Variants in CALCR observed in about 807,000 individuals in gnomAD.
CALCR encodes the protein calcitonin receptor.
Under a neutral mutation model 59.5 loss-of-function variants are expected in CALCR, and 47 were observed. The ratio of observed to expected loss-of-function variants is 0.79; its 90% confidence interval spans 0.63 to 1.01. CALCR has a LOEUF of 1.01. Among genes scored for constraint, CALCR ranks in the 50% least tolerant of loss-of-function variants. CALCR has a pLI of 0.00. For synonymous variants in CALCR, 213 were observed against 211.3 expected (o/e 1.01, Z -0.07); for missense variants, 566 against 597.1 (o/e 0.95, Z 0.54).
At chr7:93,495,485 TCTTTA>T (rs1044906991) in intron 2 of CALCR, among the ~76,000 whole-genome samples, 21 of 151,450 alleles carry the variant, frequency 1.4e-4, no homozygotes, top group African/African-American at 5.1e-4. Flanking sequence ...GAAGCATTGT[TCTTTA>T]CTTAAAGTGC....
chr7:93,515,466 A>G (rs943764438), intron 2 of CALCR, among the ~76,000 whole-genome samples: 4 of 152,024 alleles, frequency 2.6e-5, no homozygotes, highest in African/African-American at 7.2e-5. Flanking sequence ...TTAATGGCAC[A>G]AATAAAATAC....
intron 2 of CALCR, among the ~76,000 whole-genome samples, chr7:93,500,847 C>T (rs1388108491): frequency 6.6e-6 from 1 of 151,964 alleles, no homozygotes; most frequent in African/African-American, 2.4e-5. Flanking sequence ...GACAAGCTTG[C>T]TCCTGCATTT....
chr7:93,567,713 C>G (rs954168659), intron 2 of CALCR, among the ~76,000 whole-genome samples: 3 of 152,044 alleles, frequency 2.0e-5, no homozygotes, highest in East Asian at 1.9e-4. Context: ...CCCCTGCCCC[C>G]CAACAGGCCC....
intron 2 of CALCR, among the ~76,000 whole-genome samples, chr7:93,563,563 G>T (rs1486072351): frequency 6.6e-6 from 1 of 152,192 alleles, no homozygotes; most frequent in Non-Finnish European, 1.5e-5. Flanking sequence ...AAATCACAAT[G>T]CAGAGTGGAA....
intron 5 of CALCR, among the ~76,000 whole-genome samples, chr7:93,476,864 T>C (rs1449080748): frequency 1.3e-5 from 2 of 151,928 alleles, no homozygotes; most frequent in East Asian, 3.9e-4. Flanking sequence ...CAAAGCCCTT[T>C]CTTTCTTCAC....
intron 3 of CALCR, among the ~76,000 whole-genome samples, chr7:93,480,995 A>C (rs1388444569): frequency 6.6e-6 from 1 of 151,832 alleles, no homozygotes; most frequent in Non-Finnish European, 1.5e-5. Flanking sequence ...TCAGATAACA[A>C]AAAAAGAGTT....
intron 2 of CALCR, among the ~76,000 whole-genome samples, chr7:93,563,595 C>T (rs1218285469): frequency 2.6e-5 from 4 of 152,062 alleles, no homozygotes; most frequent in Admixed American, 1.3e-4. Context: ...TGAGTACATC[C>T]CATGACAGCT....
At chr7:93,435,820 A>G (rs1799762766) in intron 12 of CALCR, 132 bp downstream of exon 12, 1 of 259,132 alleles carries the variant, frequency 3.9e-6, no homozygotes, top group African/African-American at 3.9e-5. Flanking sequence ...AAAATAAAAT[A>G]AAATAATAAA....
intron 12 of CALCR, 94 bp from the exon 13 acceptor site, chr7:93,434,388 T>TTAAA (rs1799727543): frequency 4.6e-5 from 25 of 545,696 alleles, no homozygotes; most frequent in Non-Finnish European, 6.2e-5. Context: ...GAAGGCCTGA[T>TTAAA]GAAAAAAAAA....
intron 2 of CALCR, among the ~76,000 whole-genome samples, chr7:93,502,866 G>T (rs930338717): frequency 2.4e-4 from 37 of 152,064 alleles, no homozygotes; most frequent in African/African-American, 7.0e-4. Flanking sequence ...GACATAATCT[G>T]ATTTTTGTAA....
At position 93,553,482 on chromosome 7, in the gene CALCR, C is replaced by CT. The variant is rs35990717; in HGVS notation, c.-27+20806dup. 5.2e-3 allele frequency among the ~76,000 whole-genome samples: 767 copies of CT among 148,220 alleles called. 3 individuals carry two copies. The highest frequency in any genetic ancestry group is 0.017 in the African/African-American group (675 of 40,460). ...AGAAAGATGTTAATGAAAACTTACC[C>CT]TTTTTTTTTTGCACAACAAATTTTG... On this transcript the variant is annotated intron_variant, in intron 2 of 13. Transcript: ENST00000426151.
Position 93,472,768 on chromosome 7 carries a change from AC to A in CALCR, c.317-282del, listed in dbSNP as rs111801637. On this transcript the variant is annotated intron_variant, in intron 5 of 13. Coordinates refer to ENST00000426151, the MANE Select transcript of CALCR (RefSeq NM_001742.4). ...GAGGAGTCATGGAGCTTGAGATTGAACCAGGATTTAGACCCAAAGACATGGA... is the reference window on the plus strand; with the variant it reads ...GAGGAGTCATGGAGCTTGAGATTGAACAGGATTTAGACCCAAAGACATGGA... Among the ~76,000 whole-genome samples, 9,401 of 151,826 alleles carry A rather than the reference AC, an allele frequency of 0.062. 929 individuals carry two copies. Among genetic ancestry groups the A allele is most frequent in the African/African-American group, 0.21 (8,542 of 41,462 alleles).
chr7:93,506,913 GTC>G (rs1322643523), intron 2 of CALCR, among the ~76,000 whole-genome samples: 1 of 152,098 alleles, frequency 6.6e-6, no homozygotes, highest in African/African-American at 2.4e-5. Context: ...TAATGAATAA[GTC>G]TCATGAGATC....
Position 93,479,351 on chromosome 7 carries a change from T to C in CALCR, c.205+3A>G. 1.2e-6 allele frequency: 2 copies of C among 1,605,516 alleles called. No individual in the cohort carries two copies. The highest frequency in any genetic ancestry group is 2.7e-5 in the African/African-American group (2 of 74,568). On this transcript the variant is annotated splice_donor_region_variant and intron_variant, in intron 4 of 13. Coordinates refer to ENST00000426151, the MANE Select transcript of CALCR (RefSeq NM_001742.4). ...ATATGTTCATATATATCCTTCTCTT[T>C]ACCTTCTCCTTGGTATGCGGGTAAC...
intron 2 of CALCR, among the ~76,000 whole-genome samples, chr7:93,532,609 A>T (rs951110735): frequency 6.6e-5 from 10 of 151,998 alleles, no homozygotes; most frequent in African/African-American, 2.4e-4. Flanking sequence ...AAACAAAATT[A>T]TTAAAGCACT....
At chr7:93,520,890 C>A (rs959842076) in intron 2 of CALCR, among the ~76,000 whole-genome samples, 1 of 151,972 alleles carries the variant, frequency 6.6e-6, no homozygotes, top group African/African-American at 2.4e-5. Context: ...TTTTATAGGG[C>A]CACTTTAAAT....
At chr7:93,477,464 A>C (rs1258751067) in intron 5 of CALCR, 94 bp downstream of exon 5, 1 of 744,834 alleles carries the variant, frequency 1.3e-6, no homozygotes, top group Non-Finnish European at 2.3e-6. Context: ...GAGTATGATT[A>C]GGTGGGTACA....
intron 2 of CALCR, among the ~76,000 whole-genome samples, chr7:93,530,968 A>G (rs561920213): frequency 1.0e-3 from 153 of 152,266 alleles, no homozygotes; most frequent in African/African-American, 3.4e-3. Context: ...AGTGAGGCCT[A>G]GCAATCAGAA....
intron 2 of CALCR, among the ~76,000 whole-genome samples, chr7:93,546,571 C>G (rs1013361715): frequency 3.3e-5 from 5 of 149,568 alleles, no homozygotes; most frequent in Non-Finnish European, 7.4e-5. Flanking sequence ...TTTTCTTTTT[C>G]TTTTCTTTTT....
Sources: allele counts gnomAD v4.1 joint callset (sites outside exome capture counted in the v4.1 genomes callset), GRCh38; gene constraint gnomAD v4.1.1; transcripts MANE v1.5; gene names NCBI Gene and HGNC (gene_info 2026-07-23, HGNC 2026-07-21).